Variants in PTPRD observed in about 807,000 individuals in gnomAD.
PTPRD encodes protein tyrosine phosphatase receptor type D.
In PTPRD, 34 loss-of-function variants were observed where a neutral mutation model predicts 214.5. That is an observed-to-expected ratio of 0.16 (90% CI 0.12 to 0.21). The LOEUF (loss-of-function observed/expected upper bound fraction) is 0.21. Ranked by LOEUF, PTPRD falls within the 10% of genes least tolerant of loss-of-function variation. The pLI, the probability that PTPRD is intolerant of heterozygous loss-of-function variation, is 1.00. For missense variants in PTPRD, 2,545 were observed against 2,398.7 expected (o/e 1.06, Z -1.27); for synonymous variants, 1,128 against 845.7 (o/e 1.33, Z -5.79).
chr9:9,595,106 G>A (rs1006301984), intron 7 of PTPRD, among the ~76,000 whole-genome samples: 5 of 151,554 alleles, frequency 3.3e-5, no homozygotes, highest in African/African-American at 9.7e-5. Context: ...GCGTAGATGC[G>A]GTGAACAGGG....
chr9:10,155,336 A>C (rs2099086484), intron 3 of PTPRD, among the ~76,000 whole-genome samples: 1 of 152,038 alleles, frequency 6.6e-6, no homozygotes, highest in African/African-American at 2.4e-5. Context: ...TACCAGCTGA[A>C]GGAGCTTTTG....
At chr9:9,260,366 C>T (rs953376873) in intron 9 of PTPRD, among the ~76,000 whole-genome samples, 2 of 151,888 alleles carry the variant, frequency 1.3e-5, no homozygotes, top group Non-Finnish European at 2.9e-5. Context: ...AGTAGAAAAC[C>T]GAAATCACGT....
intron 7 of PTPRD, among the ~76,000 whole-genome samples, chr9:9,689,137 A>G (rs74540615): frequency 0.023 from 3,546 of 152,018 alleles, 133 homozygotes; most frequent in African/African-American, 0.082. Context: ...TATCAATTGT[A>G]TAACGATAAA....
chr9:8,527,917 A>G (rs948043120), intron 15 of PTPRD, among the ~76,000 whole-genome samples: 1 of 152,162 alleles, frequency 6.6e-6, no homozygotes. Context: ...TAATGTGTAG[A>G]AAATGTTCAC....
chr9:10,321,141 T>C (rs1410597726), intron 3 of PTPRD, among the ~76,000 whole-genome samples: 1 of 152,048 alleles, frequency 6.6e-6, no homozygotes, highest in African/African-American at 2.4e-5. Flanking sequence ...TTTACATTAA[T>C]AATGATTTCA....
chr9:9,031,414 G>A (rs1183488258), intron 10 of PTPRD, among the ~76,000 whole-genome samples: 4 of 152,030 alleles, frequency 2.6e-5, no homozygotes, highest in Non-Finnish European at 4.4e-5. Flanking sequence ...TCGGCTATGC[G>A]GTATAGCCTA....
rs532842996 is a variant in PTPRD at position 8,674,971 on chromosome 9, C to T, written c.65-38127G>A. 2.0e-5 allele frequency among the ~76,000 whole-genome samples: 3 copies of T among 152,192 alleles called. No homozygotes were observed. The East Asian group carries it at 5.8e-4, about 29-fold the overall frequency. ...TTAATCTCCAATGAATTTTAAAAGCCTTGTAAATTACAAAAGAAATAACCA... is the reference window on the plus strand; with the variant it reads ...TTAATCTCCAATGAATTTTAAAAGCTTTGTAAATTACAAAAGAAATAACCA... On this transcript the variant is annotated intron_variant, in intron 12 of 45. Coordinates refer to ENST00000381196, the MANE Select transcript of PTPRD (RefSeq NM_002839.4).
chr9:10,229,691 G>A (rs1306093559), intron 3 of PTPRD, among the ~76,000 whole-genome samples: 1 of 149,602 alleles, frequency 6.7e-6, no homozygotes, highest in African/African-American at 2.5e-5. Flanking sequence ...ATCACACTCC[G>A]GGGATGGTTG....
intron 2 of PTPRD, among the ~76,000 whole-genome samples, chr9:10,570,589 C>T (rs2067118076): frequency 6.6e-6 from 1 of 152,050 alleles, no homozygotes; most frequent in Non-Finnish European, 1.5e-5. Context: ...CACACACATT[C>T]TCACACACAG....
intron 7 of PTPRD, among the ~76,000 whole-genome samples, chr9:9,643,083 G>C (rs918003773): frequency 2.0e-5 from 3 of 152,210 alleles, no homozygotes; most frequent in East Asian, 1.9e-4. Context: ...GAGAGGGAGA[G>C]AGAGATTTGA....
At chr9:9,565,748 C>G (rs578173709) in intron 8 of PTPRD, among the ~76,000 whole-genome samples, 1 of 151,820 alleles carries the variant, frequency 6.6e-6, no homozygotes, top group South Asian at 2.1e-4. Context: ...TTTAGGAAAC[C>G]AGACAAATGT....
intron 3 of PTPRD, among the ~76,000 whole-genome samples, chr9:10,277,184 C>CATAAACATAAAACATA (rs1555019194): frequency 1.2e-4 from 16 of 133,802 alleles, no homozygotes; most frequent in African/African-American, 3.8e-4. Flanking sequence ...AGTAAAAAAA[C>CATAAACATAAAACATA]AACATAAACA....
At chr9:8,623,563 A>G (rs2095888384) in intron 14 of PTPRD, among the ~76,000 whole-genome samples, 2 of 151,926 alleles carry the variant, frequency 1.3e-5, no homozygotes, top group Non-Finnish European at 2.9e-5. Context: ...TTAACTCTTA[A>G]TAATAATCCT....
intron 11 of PTPRD, among the ~76,000 whole-genome samples, chr9:8,827,396 C>T (rs2097197766): frequency 6.6e-6 from 1 of 152,122 alleles, no homozygotes. Context: ...CACCTGAGGT[C>T]AAGGGTTCAA....
At chr9:10,128,928 A>G (rs1301477200) in intron 3 of PTPRD, among the ~76,000 whole-genome samples, 3 of 152,218 alleles carry the variant, frequency 2.0e-5, no homozygotes, top group Non-Finnish European at 4.4e-5. Context: ...AAGCTGAATT[A>G]GAGTGTCATC....
chr9:8,919,577 G>A (rs192227262), intron 11 of PTPRD, among the ~76,000 whole-genome samples: 4 of 152,242 alleles, frequency 2.6e-5, no homozygotes, highest in Admixed American at 1.3e-4. Flanking sequence ...CACTGAGAAT[G>A]CTGTGTCATG....
intron 5 of PTPRD, among the ~76,000 whole-genome samples, chr9:9,902,372 G>C (rs745703312): frequency 6.6e-6 from 1 of 152,016 alleles, no homozygotes; most frequent in African/African-American, 2.4e-5. Context: ...TTAATGTATT[G>C]TTTTCATTTC....
At chr9:8,770,174 G>GT (rs1565924405) in intron 11 of PTPRD, among the ~76,000 whole-genome samples, 1 of 151,968 alleles carries the variant, frequency 6.6e-6, no homozygotes, top group East Asian at 1.9e-4. Context: ...CCAGCTACTC[G>GT]GGGGGCTGAG....
chr9:10,048,072 T>C (rs1462964555), intron 3 of PTPRD, among the ~76,000 whole-genome samples: 2 of 152,304 alleles, frequency 1.3e-5, no homozygotes, highest in African/African-American at 4.8e-5. Flanking sequence ...CAGCCATCTA[T>C]TTCTCGCTGC....
Sources: allele counts gnomAD v4.1 joint callset (sites outside exome capture counted in the v4.1 genomes callset), GRCh38; gene constraint gnomAD v4.1.1; transcripts MANE v1.5; gene names NCBI Gene and HGNC (gene_info 2026-07-23, HGNC 2026-07-21).